The following ALMS1 variants were observed in gnomAD, a reference collection of about 807,000 sequenced individuals.
The protein encoded by ALMS1 is ALMS1 centrosome and basal body associated protein.
A neutral mutation model predicts 352.2 loss-of-function variants in ALMS1; 271 were observed. That is an observed-to-expected ratio of 0.77 (90% CI 0.70 to 0.85). ALMS1 has a LOEUF of 0.85. Ranked by LOEUF, ALMS1 falls within the 40% of genes least tolerant of loss-of-function variation. ALMS1 has a pLI of 0.00. For missense variants in ALMS1, 5,445 were observed against 4,870.7 expected (o/e 1.12, Z -3.51); for synonymous variants, 1,865 against 1,761.2 (o/e 1.06, Z -1.48).
intron 9 of ALMS1, among the ~76,000 whole-genome samples, chr2:73,460,811 G>C (rs887794747): frequency 2.0e-5 from 3 of 152,214 alleles, no homozygotes; most frequent in African/African-American, 7.2e-5. Context: ...TGGCTCGGAG[G>C]GTCCTACGCC....
intron 16 of ALMS1, among the ~76,000 whole-genome samples, chr2:73,583,024 A>G (rs763206409): frequency 5.5e-5 from 8 of 144,696 alleles, no homozygotes; most frequent in South Asian, 2.1e-4. Context: ...ATTTCTTTAC[A>G]TCCTTACCAA....
At chr2:73,603,614 C>CT in intron 21 of ALMS1, 1 of 362,010 alleles carries the variant, frequency 2.8e-6, no homozygotes, top group South Asian at 2.2e-5. Flanking sequence ...AATCCCAGCA[C>CT]TTAGGGAGGC....
chr2:73,500,561 C>T (rs1310170568), intron 10 of ALMS1, among the ~76,000 whole-genome samples: 1 of 152,112 alleles, frequency 6.6e-6, no homozygotes, highest in East Asian at 1.9e-4. Context: ...CATGAGATTA[C>T]TGGGATGCTA....
chr2:73,568,346 C>T (rs926419725), intron 15 of ALMS1, among the ~76,000 whole-genome samples: 1 of 152,106 alleles, frequency 6.6e-6, no homozygotes, highest in African/African-American at 2.4e-5. Context: ...TCCCTTTTCA[C>T]CCAGACTTCC....
At chr2:73,433,349 A>G (rs1572920347) in intron 7 of ALMS1, among the ~76,000 whole-genome samples, 1 of 147,966 alleles carries the variant, frequency 6.8e-6, no homozygotes, top group Admixed American at 6.6e-5. Context: ...TTGATCACCT[A>G]TTGGTTTCAG....
intron 2 of ALMS1, among the ~76,000 whole-genome samples, chr2:73,413,663 AAGTTTTGT>A (rs1671123878): frequency 6.6e-6 from 1 of 152,144 alleles, no homozygotes; most frequent in African/African-American, 2.4e-5. Flanking sequence ...GCTTTTTCAG[AAGTTTTGT>A]AGTTTTACGT....
chr2:73,443,920 A>C (rs1230356889), intron 7 of ALMS1, among the ~76,000 whole-genome samples: 1 of 152,166 alleles, frequency 6.6e-6, no homozygotes, highest in African/African-American at 2.4e-5. Context: ...TCTGGTTAAC[A>C]TGAGGCTGTC....
intron 9 of ALMS1, among the ~76,000 whole-genome samples, chr2:73,477,311 T>A (rs1028105533): frequency 6.6e-6 from 1 of 152,136 alleles, no homozygotes; most frequent in African/African-American, 2.4e-5. Context: ...TAGTGTTTAT[T>A]TCTGGACTGT....
chr2:73,608,436 CT>C, intron 21 of ALMS1, 38 bp from the exon 22 acceptor site: 1 of 1,539,256 alleles, frequency 6.5e-7, no homozygotes, highest in Non-Finnish European at 9.0e-7. Context: ...CCCTGGTAAC[CT>C]CCCCGATTTC....
intron 13 of ALMS1, 144 bp downstream of exon 13, chr2:73,550,581 C>A: frequency 1.0e-6 from 1 of 967,716 alleles, no homozygotes; most frequent in Non-Finnish European, 1.5e-6. Flanking sequence ...TACAAGAAGG[C>A]AAAATTTCAT....
chr2:73,431,269 A>C (rs751497064), intron 6 of ALMS1, among the ~76,000 whole-genome samples: 1 of 152,204 alleles, frequency 6.6e-6, no homozygotes, highest in Non-Finnish European at 1.5e-5. Context: ...AGATGTAGAT[A>C]TAGAAATAGA....
chr2:73,451,570 C>T lies in ALMS1; in HGVS notation c.5043C>T (p.Asp1681=). 1 of 1,613,888 alleles carries T rather than the reference C, an allele frequency of 6.2e-7. No homozygotes were observed. Among genetic ancestry groups the T allele is most frequent in the African/African-American group, 1.3e-5 (1 of 74,922 alleles). Residue 1681 remains aspartate, a synonymous_variant, in exon 8 of 23, where the codon GAC becomes GAT. Transcript: ENST00000613296. ...TTTTCTACCAGCAGACCCTATCAGA[C>T]AGTCATTTACCTGAAGAAGCTCTGA... The part of the protein sequence containing the change: ...PVIFYQQTLS[D]SHLPEEALKV...
rs763493555 is a variant in ALMS1, at chr2:73,490,809, T to A, written c.8850T>A (p.Pro2950=). The part of the protein sequence containing the change: ...HQMRENHSPL[P]QGQDSIASDL... ...TGAGAGAAAACCATTCTCCCCTTCC[T>A]CAAGGTCAGGATTCTATAGCTTCAG... The change falls in exon 10 of 23, where the codon CCT becomes CCA. Residue 2950 remains proline (P), a synonymous_variant. Coordinates refer to ENST00000613296, the MANE Select transcript of ALMS1 (RefSeq NM_001378454.1). 6 of 1,613,930 alleles carry A rather than the reference T, an allele frequency of 3.7e-6. No individual in the cohort carries two copies. Among genetic ancestry groups the A allele is most frequent in the Non-Finnish European group, 5.1e-6 (6 of 1,180,020 alleles).
At chr2:73,525,640 C>A (rs191162486) in intron 11 of ALMS1, among the ~76,000 whole-genome samples, 54 of 150,928 alleles carry the variant, frequency 3.6e-4, no homozygotes, top group African/African-American at 1.2e-3. Flanking sequence ...TTTTTTTTTT[C>A]CTATAGAGTT....
intron 9 of ALMS1, chr2:73,459,596 G>A (rs1295968486): frequency 1.4e-4 from 22 of 151,974 alleles, no homozygotes. Flanking sequence ...TACTCAAAGG[G>A]TCACAACCTA....
rs1558690814 is a variant in ALMS1 at position 73,550,560 on chromosome 2, T to TACAAGC, written c.10078+124_10078+125insCAAGCA. The stretch of plus-strand genomic sequence containing the variant: ...ATACAAGCTTTTCTCCTTGCTGTTA[T>TACAAGC]ATTGAGCATATACAAGAAGGCAAAA... On this transcript the variant is annotated intron_variant, in intron 13 of 22. Coordinates refer to ENST00000613296, the MANE Select transcript of ALMS1 (RefSeq NM_001378454.1). The TACAAGC allele has an allele frequency of 2.4e-5, 30 of 1,264,856 alleles. No homozygotes were observed. In the African/African-American group the frequency reaches 4.5e-4, roughly 19 times the overall value. 78.4% of individuals were successfully genotyped at this position (1,264,856 alleles called of 1,614,324 possible). A position where few individuals can be genotyped will look rare whatever the true frequency, so the allele number is the denominator to read the frequency against.
chr2:73,593,856 T>C (rs1359465617), intron 16 of ALMS1, among the ~76,000 whole-genome samples: 1 of 152,262 alleles, frequency 6.6e-6, no homozygotes, highest in Non-Finnish European at 1.5e-5. Context: ...CTTTCGTGAC[T>C]GACTTCATTC....
chr2:73,569,726 C>T (rs1298333184), intron 15 of ALMS1, among the ~76,000 whole-genome samples: 1 of 152,194 alleles, frequency 6.6e-6, no homozygotes, highest in African/African-American at 2.4e-5. Context: ...CCCTTATTGC[C>T]TCAGTTCTTT....
chr2:73,585,383 G>T, intron 16 of ALMS1, among the ~76,000 whole-genome samples: 1 of 147,658 alleles, frequency 6.8e-6, no homozygotes, highest in Non-Finnish European at 1.5e-5. Context: ...TACAATTAAT[G>T]ATGATGAGCT....
Sources: gnomAD v4.1 joint callset for allele counts (sites outside exome capture counted in the v4.1 genomes callset) on GRCh38, gnomAD v4.1.1 for gene constraint, MANE v1.5 for transcripts, NCBI Gene and HGNC (gene_info 2026-07-23, HGNC 2026-07-21) for gene names.